The following PIK3C2G variants were observed in gnomAD, a reference collection of about 807,000 sequenced individuals.
PIK3C2G encodes phosphatidylinositol-4-phosphate 3-kinase catalytic subunit type 2 gamma.
PIK3C2G carries 168 observed loss-of-function variants against 181.1 expected under a neutral mutation model. That is an observed-to-expected ratio of 0.93 (90% CI 0.82 to 1.05). The LOEUF is 1.05. PIK3C2G is among the 50% of genes least tolerant of loss of function. The pLI is 0.00. For synonymous variants in PIK3C2G, 573 were observed against 592.2 expected, an observed-to-expected ratio of 0.97 and a Z score of 0.47; for missense variants, 1,869 against 1,732.8, an observed-to-expected ratio of 1.08 and a Z score of -1.40.
At chr12:18,465,480 G>GT (rs1229235185) in intron 18 of PIK3C2G, among the ~76,000 whole-genome samples, 1 of 151,802 alleles carries the variant, frequency 6.6e-6, no homozygotes, top group Non-Finnish European at 1.5e-5. Context: ...AGGCTTCTTA[G>GT]TGGAAGGGTG....
intron 8 of PIK3C2G, among the ~76,000 whole-genome samples, chr12:18,336,126 T>C (rs1938508642): frequency 6.6e-6 from 1 of 152,164 alleles, no homozygotes. Flanking sequence ...GAAAGATTGG[T>C]GTAAATGAAT....
downstream of PIK3C2G, among the ~76,000 whole-genome samples, chr12:18,649,948 C>T (rs573024638): frequency 2.0e-5 from 3 of 152,128 alleles, no homozygotes; most frequent in Admixed American, 1.3e-4. Context: ...TGGAGTGTCC[C>T]AGGGCTCACC....
chr12:18,562,893 G>A lies in PIK3C2G; in HGVS notation c.3780+1G>A, dbSNP rs187352063. The A allele has an allele frequency of 2.4e-3, 3,806 of 1,585,754 alleles. 10 individuals carry two copies. Among genetic ancestry groups the A allele is most frequent in the Non-Finnish European group, 2.9e-3 (3,347 of 1,163,174 alleles). The stretch of plus-strand genomic sequence containing the variant: ...AGGGTTCAGCAAGAAATCCAGTAAT[G>A]TAAGTTTAAAGTCCGTCATCTTGAC... On this transcript the variant is annotated splice_donor_variant, in intron 27 of 32. Transcript: ENST00000538779. LOFTEE classifies it high-confidence loss of function.
At chr12:18,407,345 G>T (rs961380335) in intron 16 of PIK3C2G, among the ~76,000 whole-genome samples, 1 of 152,126 alleles carries the variant, frequency 6.6e-6, no homozygotes, top group East Asian at 1.9e-4. Flanking sequence ...AATTTACAAA[G>T]CATTTCACAA....
At chr12:18,574,522 C>G (rs2136391652) in intron 29 of PIK3C2G, among the ~76,000 whole-genome samples, 1 of 152,114 alleles carries the variant, frequency 6.6e-6, no homozygotes, top group East Asian at 1.9e-4. Context: ...TACTAAAAAC[C>G]CCCTCCTTTT....
At chr12:18,664,464 A>G in the PIK3C2G span, among the ~76,000 whole-genome samples, 1 of 152,202 alleles carries the variant, frequency 6.6e-6, no homozygotes, top group East Asian at 1.9e-4. Flanking sequence ...TATGGCATAT[A>G]CTACAGCATG....
At chr12:18,573,184 C>T (rs745409715) in intron 29 of PIK3C2G, among the ~76,000 whole-genome samples, 5 of 152,038 alleles carry the variant, frequency 3.3e-5, no homozygotes, top group African/African-American at 4.8e-5. Context: ...AATTTACCAC[C>T]TAGGTTACTA....
intron 31 of PIK3C2G, among the ~76,000 whole-genome samples, chr12:18,614,328 T>C (rs1386738026): frequency 6.6e-6 from 1 of 152,128 alleles, no homozygotes; most frequent in African/African-American, 2.4e-5. Context: ...CAAAGAAACA[T>C]TGACCCTCAA....
intron 16 of PIK3C2G, among the ~76,000 whole-genome samples, chr12:18,418,408 C>T (rs561756060): frequency 6.6e-6 from 1 of 152,150 alleles, no homozygotes; most frequent in East Asian, 1.9e-4. Context: ...ATCAATGAGC[C>T]AGACTGGTTC....
At chr12:18,603,657 A>G (rs1360701961) in intron 30 of PIK3C2G, among the ~76,000 whole-genome samples, 1 of 152,164 alleles carries the variant, frequency 6.6e-6, no homozygotes, top group East Asian at 1.9e-4. Context: ...AAGCTATCAG[A>G]TTAACAGCAG....
At chr12:18,711,382 T>G in the PIK3C2G span, among the ~76,000 whole-genome samples, 1 of 71,554 alleles carries the variant, frequency 1.4e-5, no homozygotes, top group Admixed American at 2.2e-4. Context: ...TGGGGACTGT[T>G]GTGGGGTGGG....
intron 30 of PIK3C2G, among the ~76,000 whole-genome samples, chr12:18,596,268 G>C (rs77270860): frequency 6.6e-6 from 1 of 151,952 alleles, no homozygotes; most frequent in East Asian, 1.9e-4. Flanking sequence ...AAGAAATTCA[G>C]GGTCTCCGAA....
chr12:18,381,668 G>A (rs867533931), intron 13 of PIK3C2G, 98 bp from the exon 14 acceptor site: 20 of 713,386 alleles, frequency 2.8e-5, no homozygotes, highest in Middle Eastern at 2.5e-4. Flanking sequence ...CTGTAAGAGC[G>A]GATTATGTTT....
At chr12:18,587,757 CA>C (rs1565535873) in intron 29 of PIK3C2G, among the ~76,000 whole-genome samples, 44 of 145,488 alleles carry the variant, frequency 3.0e-4, no homozygotes, top group African/African-American at 1.2e-3. Flanking sequence ...CCAAACAAAA[CA>C]AAACAAAACA....
chr12:18,713,517 C>G, the PIK3C2G span, among the ~76,000 whole-genome samples: 1 of 152,134 alleles, frequency 6.6e-6, no homozygotes, highest in Non-Finnish European at 1.5e-5. Flanking sequence ...AATACTTGCT[C>G]TCTGGAAACA....
At chr12:18,360,205 CTTATAT>C (rs1184348002) in intron 11 of PIK3C2G, among the ~76,000 whole-genome samples, 10 of 151,988 alleles carry the variant, frequency 6.6e-5, no homozygotes, top group East Asian at 3.9e-4. Context: ...TACAAAATAT[CTTATAT>C]TTATAACAAC....
rs781075038 is a variant in PIK3C2G, at chr12:18,290,281, T to A, written c.762-574T>A. Among the ~76,000 whole-genome samples, 93 of 152,332 alleles carry A rather than the reference T, an allele frequency of 6.1e-4. 1 individual carries two copies. The highest frequency in any genetic ancestry group is 3.4e-3 in the Middle Eastern group (1 of 294). On this transcript the variant is annotated intron_variant, in intron 3 of 32. Transcript: ENST00000538779. Reference sequence around the variant, plus strand: ...ACTGTTTTTGCAATTCTTTGACTCATTTATGTGTAAGCAATTGTTCAGAAT... The same window carrying A: ...ACTGTTTTTGCAATTCTTTGACTCAATTATGTGTAAGCAATTGTTCAGAAT...
the PIK3C2G span, chr12:18,701,675 C>A: frequency 6.2e-7 from 1 of 1,610,824 alleles, no homozygotes; most frequent in Non-Finnish European, 8.5e-7. Flanking sequence ...CTTCTTCTTC[C>A]CATTCCTCCA....
At chr12:18,656,059 T>G in the PIK3C2G span, among the ~76,000 whole-genome samples, 1 of 152,182 alleles carries the variant, frequency 6.6e-6, no homozygotes, top group African/African-American at 2.4e-5. Context: ...TAATATAAGT[T>G]GTTAATACTA....
Sources: gnomAD v4.1 joint callset for allele counts (sites outside exome capture counted in the v4.1 genomes callset) on GRCh38, gnomAD v4.1.1 for gene constraint, MANE v1.5 for transcripts, NCBI Gene and HGNC (gene_info 2026-07-23, HGNC 2026-07-21) for gene names.